Variants in ERC1 observed in about 807,000 individuals in gnomAD.
The protein encoded by ERC1 is RAB6 interacting protein 2.
Under a neutral mutation model 132.0 loss-of-function variants are expected in ERC1, and 56 were observed. The ratio of observed to expected loss-of-function variants is 0.42; its 90% CI spans 0.34 to 0.53. The LOEUF is 0.53. Among genes scored for constraint, ERC1 ranks in the 20% least tolerant of loss-of-function variants. The pLI is 0.03. For synonymous variants in ERC1, 478 were observed against 476.1 expected (o/e 1.00, Z -0.05); for missense variants, 1,202 against 1,349.9 (o/e 0.89, Z 1.72).
At chr12:1,352,926 A>G (rs1376665132) in intron 15 of ERC1, among the ~76,000 whole-genome samples, 3 of 152,124 alleles carry the variant, frequency 2.0e-5, no homozygotes, top group East Asian at 3.8e-4. Context: ...TTTTAAAAAT[A>G]TAGATGAGTG....
At chr12:1,144,636 G>GTATATATATATATATATATA (rs1353092300) in intron 8 of ERC1, among the ~76,000 whole-genome samples, 3 of 137,708 alleles carry the variant, frequency 2.2e-5, no homozygotes, top group African/African-American at 9.5e-5. Flanking sequence ...ATATATATAC[G>GTATATATATATATATATATA]TGTATATATA....
chr12:1,146,007 T>C (rs186769262), intron 8 of ERC1, among the ~76,000 whole-genome samples: 32 of 152,330 alleles, frequency 2.1e-4, no homozygotes, highest in Non-Finnish European at 4.3e-4. Flanking sequence ...AGTAATGTGA[T>C]GCCTCCACAT....
intron 18 of ERC1, among the ~76,000 whole-genome samples, chr12:1,453,043 G>A (rs1225654488): frequency 1.3e-5 from 2 of 152,182 alleles, no homozygotes; most frequent in Non-Finnish European, 2.9e-5. Context: ...ACCGCAGAGG[G>A]CCTCTCTCCA....
rs1363544260 is a variant in ERC1 at position 1,423,891 on chromosome 12, AG to A, written c.3024+15648del. ...CTACTTTATCTGTCTTAAATCAGCA[AG>A]GGGCACTACAAAGTAACAGTAAAGG... is the stretch of plus-strand genomic sequence containing the variant. On this transcript the variant is annotated intron_variant, in intron 17 of 18. Coordinates refer to ENST00000360905, the MANE Select transcript of ERC1 (RefSeq NM_178040.4). Among the ~76,000 whole-genome samples, 33 of 152,230 alleles carry A rather than the reference AG, an allele frequency of 2.2e-4. 2 individuals are homozygous for A. Among genetic ancestry groups the A allele is most frequent in the Admixed American group, 2.0e-3 (30 of 15,290 alleles).
At chr12:1,235,747 T>C (rs2075370584) in intron 12 of ERC1, among the ~76,000 whole-genome samples, 1 of 152,168 alleles carries the variant, frequency 6.6e-6, no homozygotes, top group Admixed American at 6.5e-5. Flanking sequence ...GAGTATAAAT[T>C]AATATAGCTT....
At chr12:1,242,916 G>C (rs895192590) in intron 13 of ERC1, among the ~76,000 whole-genome samples, 1 of 152,152 alleles carries the variant, frequency 6.6e-6, no homozygotes, top group Non-Finnish European at 1.5e-5. Flanking sequence ...GGCCGGGCGC[G>C]GTGGCTCACG....
At chr12:1,433,632 G>A (rs963457209) in intron 17 of ERC1, among the ~76,000 whole-genome samples, 1 of 152,168 alleles carries the variant, frequency 6.6e-6, no homozygotes, top group African/African-American at 2.4e-5. Flanking sequence ...AATTAGAAGT[G>A]TATCTGACCA....
At chr12:1,472,803 C>T (rs565958842) in intron 18 of ERC1, among the ~76,000 whole-genome samples, 1 of 152,178 alleles carries the variant, frequency 6.6e-6, no homozygotes, top group African/African-American at 2.4e-5. Flanking sequence ...ACACTTATTA[C>T]ATGCCAGGCA....
intron 7 of ERC1, among the ~76,000 whole-genome samples, chr12:1,127,412 TAAAG>T (rs1948311100): frequency 1.3e-5 from 2 of 152,174 alleles, no homozygotes; most frequent in South Asian, 4.2e-4. Flanking sequence ...GTTGGATAAA[TAAAG>T]TATTGTGGAT....
At chr12:1,123,092 T>A (rs1475740316) in intron 7 of ERC1, among the ~76,000 whole-genome samples, 1 of 152,170 alleles carries the variant, frequency 6.6e-6, no homozygotes, top group Admixed American at 6.5e-5. Context: ...TGTGGGAAGA[T>A]GTAGATACTG....
At chr12:997,353 T>C (rs934481558) in intron 1 of ERC1, among the ~76,000 whole-genome samples, 3 of 152,224 alleles carry the variant, frequency 2.0e-5, no homozygotes, top group African/African-American at 4.8e-5. Context: ...TACGAACATA[T>C]GTGTCCTAGA....
intron 16 of ERC1, among the ~76,000 whole-genome samples, chr12:1,396,049 A>G (rs1405237347): frequency 6.6e-6 from 1 of 152,188 alleles, no homozygotes; most frequent in African/African-American, 2.4e-5. Flanking sequence ...AACTTTATAA[A>G]TATGTGTAAA....
At chr12:1,470,209 C>G (rs2093830308) in intron 18 of ERC1, among the ~76,000 whole-genome samples, 4 of 151,596 alleles carry the variant, frequency 2.6e-5, no homozygotes, top group Admixed American at 2.6e-4. Flanking sequence ...AATCAGATAC[C>G]ACGCACTGGA....
chr12:1,121,380 T>A (rs539456392), intron 7 of ERC1, among the ~76,000 whole-genome samples: 1 of 152,302 alleles, frequency 6.6e-6, no homozygotes, highest in African/African-American at 2.4e-5. Flanking sequence ...CCATGACTCT[T>A]GTTTGATTGG....
chr12:1,130,200 G>A (rs151251476), intron 7 of ERC1, among the ~76,000 whole-genome samples: 112 of 152,248 alleles, frequency 7.4e-4, no homozygotes, highest in Admixed American at 1.5e-3. Flanking sequence ...GTAAGAAAGC[G>A]TAAAGACCTC....
intron 8 of ERC1, among the ~76,000 whole-genome samples, chr12:1,169,356 TC>T (rs1241325528): frequency 2.0e-5 from 3 of 152,150 alleles, no homozygotes; most frequent in African/African-American, 4.8e-5. Flanking sequence ...CCCATGGACA[TC>T]CAGTGATTGA....
chr12:1,471,437 G>A (rs1820449678), intron 18 of ERC1, among the ~76,000 whole-genome samples: 1 of 152,238 alleles, frequency 6.6e-6, no homozygotes, highest in South Asian at 2.1e-4. Flanking sequence ...ATTAAGATAT[G>A]AGTATGTTGG....
intron 16 of ERC1, among the ~76,000 whole-genome samples, chr12:1,385,529 C>T (rs1316677517): frequency 1.3e-5 from 2 of 152,346 alleles, no homozygotes; most frequent in Non-Finnish European, 1.5e-5. Context: ...CGTGATAACG[C>T]CCGCCTCAGC....
intron 16 of ERC1, among the ~76,000 whole-genome samples, chr12:1,404,411 C>A (rs1193796561): frequency 6.6e-6 from 1 of 150,892 alleles, no homozygotes; most frequent in Admixed American, 6.6e-5. Context: ...ATGTTATTTG[C>A]CACCAGTTTG....
Sources: gnomAD v4.1 joint callset for allele counts (sites outside exome capture counted in the v4.1 genomes callset) on GRCh38, gnomAD v4.1.1 for gene constraint, MANE v1.5 for transcripts, NCBI Gene and HGNC (gene_info 2026-07-23, HGNC 2026-07-21) for gene names.